PRKCA: variants seen among roughly 807,000 people sequenced by gnomAD.
PRKCA encodes the protein protein kinase C alpha type.
PRKCA carries 27 observed loss-of-function variants against 87.0 expected under a neutral mutation model. That is an observed-to-expected ratio of 0.31 (90% CI 0.23 to 0.43). The LOEUF (loss-of-function observed/expected upper bound fraction) is 0.43, where lower values mean the gene tolerates loss of function less well. PRKCA is among the 20% of genes least tolerant of loss of function. The pLI is 1.00. For missense variants in PRKCA, 518 were observed against 852.3 expected (o/e 0.61, Z 4.88); for synonymous variants, 329 against 311.1 (o/e 1.06, Z -0.61).
chr17:66,467,758 A>G (rs1042491681), intron 2 of PRKCA, among the ~76,000 whole-genome samples: 3 of 151,880 alleles, frequency 2.0e-5, no homozygotes, highest in African/African-American at 7.3e-5. Flanking sequence ...GGGTCTCACT[A>G]TGTTGCTCAG....
At chr17:66,338,200 T>C (rs988116910) in intron 2 of PRKCA, among the ~76,000 whole-genome samples, 6 of 152,150 alleles carry the variant, frequency 3.9e-5, no homozygotes, top group African/African-American at 1.4e-4. Flanking sequence ...TTTTACACCA[T>C]GCTTGAGGCT....
At chr17:66,609,797 T>A (rs1440572747) in intron 3 of PRKCA, among the ~76,000 whole-genome samples, 2 of 152,106 alleles carry the variant, frequency 1.3e-5, no homozygotes, top group Non-Finnish European at 2.9e-5. Flanking sequence ...ATTTTATTTT[T>A]TTTTTACTGT....
At chr17:66,528,524 G>A (rs1967426887) in intron 3 of PRKCA, among the ~76,000 whole-genome samples, 1 of 152,124 alleles carries the variant, frequency 6.6e-6, no homozygotes, top group Admixed American at 6.5e-5. Context: ...AGCAGAGTTG[G>A]GAGGGTTGCC....
At chr17:66,680,551 C>T (rs1325624835) in intron 5 of PRKCA, among the ~76,000 whole-genome samples, 3 of 152,300 alleles carry the variant, frequency 2.0e-5, no homozygotes, top group African/African-American at 7.2e-5. Flanking sequence ...TATGGAGACA[C>T]TTGACTTTTA....
chr17:66,807,648 A>G lies in PRKCA; in HGVS notation c.*3611A>G, dbSNP rs1185998815. 6.6e-6 allele frequency: 1 copy of G among 152,186 alleles called. No individual in the cohort carries two copies. Among genetic ancestry groups the G allele is most frequent in the Non-Finnish European group, 1.5e-5 (1 of 68,048 alleles). 9.4% of individuals were successfully genotyped at this position (152,186 alleles called of 1,614,324 possible). A position where few individuals can be genotyped will look rare whatever the true frequency, so the allele number is the denominator to read the frequency against. On this transcript the variant is annotated 3_prime_UTR_variant, in exon 17 of 17. Transcript: ENST00000413366. The surrounding 1 kb of genome is among the most constrained non-coding windows in gnomAD (Gnocchi z 4.3). Reference sequence around the variant, plus strand: ...TTTCTTACTCAGAATTTTGATAGAAAACCATGGGGCCAAGAGCTCTGGAAG... The same window carrying G: ...TTTCTTACTCAGAATTTTGATAGAAGACCATGGGGCCAAGAGCTCTGGAAG...
Position 66,647,860 on chromosome 17 carries a change from A to C in PRKCA, c.529+2349A>C, listed in dbSNP as rs546910696. Among the ~76,000 whole-genome samples the C allele has an allele frequency of 1.2e-4, 18 of 152,336 alleles. 1 individual carries two copies. In the Middle Eastern group the frequency reaches 0.01, roughly 86 times the overall value. ...ACTCTCTGGGCTAAGTCCCTTGAGAATTAGTTTAAAAATTTTTGTAGAGCT... is the reference window on the plus strand; with the variant it reads ...ACTCTCTGGGCTAAGTCCCTTGAGACTTAGTTTAAAAATTTTTGTAGAGCT... On this transcript the variant is annotated intron_variant, in intron 5 of 16. Transcript: ENST00000413366.
chr17:66,713,034 GA>G (rs1194377213), intron 8 of PRKCA, among the ~76,000 whole-genome samples: 1 of 146,158 alleles, frequency 6.8e-6, no homozygotes, highest in Non-Finnish European at 1.5e-5. Flanking sequence ...AAGTTAAAGT[GA>G]ACCCTTTGTT....
rs148378605 is a variant in PRKCA at position 66,637,758 on chromosome 17, C to G, written c.289-3597C>G. Reference sequence around the variant, plus strand: ...CCAGTCTTTAGTGTGTCCGCCAACACAAGGATCACTGGCAGGATCTGCTCA... The same window carrying G: ...CCAGTCTTTAGTGTGTCCGCCAACAGAAGGATCACTGGCAGGATCTGCTCA... On this transcript the variant is annotated intron_variant, in intron 3 of 16. Coordinates refer to ENST00000413366, the MANE Select transcript of PRKCA (RefSeq NM_002737.3). Among the ~76,000 whole-genome samples the G allele has an allele frequency of 3.4e-3, 513 of 152,266 alleles. 4 individuals carry two copies. Among genetic ancestry groups the G allele is most frequent in the Non-Finnish European group, 5.6e-3 (379 of 68,012 alleles).
chr17:66,606,887 ATTCAGT>A (rs1278801022), intron 3 of PRKCA, among the ~76,000 whole-genome samples: 12 of 152,166 alleles, frequency 7.9e-5, no homozygotes, highest in Non-Finnish European at 1.6e-4. Flanking sequence ...AAAAATAAAA[ATTCAGT>A]TACTAAGATT....
chr17:66,597,897 C>A (rs1346357379), intron 3 of PRKCA, among the ~76,000 whole-genome samples: 1 of 73,008 alleles, frequency 1.4e-5, no homozygotes, highest in East Asian at 2.7e-4. Flanking sequence ...GTTGTAGATA[C>A]GCAGCATTAT....
At chr17:66,547,747 C>T (rs1968189893) in intron 3 of PRKCA, among the ~76,000 whole-genome samples, 1 of 152,098 alleles carries the variant, frequency 6.6e-6, no homozygotes, top group African/African-American at 2.4e-5. Flanking sequence ...GGATGATTTC[C>T]TCATTGAAGT....
At chr17:66,683,592 C>A (rs1221450576) in intron 5 of PRKCA, among the ~76,000 whole-genome samples, 4 of 152,070 alleles carry the variant, frequency 2.6e-5, no homozygotes, top group Non-Finnish European at 5.9e-5. Context: ...CCCTCTGACT[C>A]CATATCTTTT....
chr17:66,447,368 C>T (rs918959197), intron 2 of PRKCA, among the ~76,000 whole-genome samples: 2 of 152,098 alleles, frequency 1.3e-5, no homozygotes, highest in Non-Finnish European at 2.9e-5. Context: ...AGTTCTGAGC[C>T]GGAGACTCAT....
At chr17:66,377,599 T>C (rs1482212060) in intron 2 of PRKCA, among the ~76,000 whole-genome samples, 1 of 146,390 alleles carries the variant, frequency 6.8e-6, no homozygotes, top group Non-Finnish European at 1.5e-5. Flanking sequence ...ATGTCTATAT[T>C]TTATATATAT....
chr17:66,702,301 T>C (rs1973084223), intron 8 of PRKCA, among the ~76,000 whole-genome samples: 1 of 152,170 alleles, frequency 6.6e-6, no homozygotes, highest in African/African-American at 2.4e-5. Flanking sequence ...TATCATATTA[T>C]CATCTAAGTG....
chr17:66,608,011 G>C (rs947939050), intron 3 of PRKCA, among the ~76,000 whole-genome samples: 2 of 152,164 alleles, frequency 1.3e-5, no homozygotes, highest in African/African-American at 4.8e-5. Flanking sequence ...TGGGTGATAC[G>C]CATTAGGGTT....
intron 2 of PRKCA, among the ~76,000 whole-genome samples, chr17:66,418,992 C>G (rs1912339321): frequency 1.3e-5 from 2 of 151,648 alleles, no homozygotes; most frequent in African/African-American, 4.8e-5. Flanking sequence ...GATCTCCTGA[C>G]CTCGTGATCG....
intron 3 of PRKCA, among the ~76,000 whole-genome samples, chr17:66,616,939 T>C (rs893358643): frequency 6.6e-6 from 1 of 151,734 alleles, no homozygotes; most frequent in Admixed American, 6.6e-5. Context: ...CCAGCTTTCC[T>C]GTGGCTCAGC....
At chr17:66,398,198 C>CA in intron 2 of PRKCA, 1 of 152,296 alleles carries the variant, frequency 6.6e-6, no homozygotes, top group South Asian at 2.1e-4. Flanking sequence ...GGTCGAAGTC[C>CA]AAGCTCAATA....
Sources: gnomAD v4.1 joint callset for allele counts (sites outside exome capture counted in the v4.1 genomes callset) on GRCh38, gnomAD v4.1.1 for gene constraint, Gnocchi (gnomAD v3.1) non-coding constraint, MANE v1.5 for transcripts, NCBI Gene and HGNC (gene_info 2026-07-23, HGNC 2026-07-21) for gene names.